The following CNTNAP5 variants were observed in gnomAD, a reference collection of about 807,000 sequenced individuals.
CNTNAP5 encodes contactin-associated protein-like 5.
A neutral mutation model predicts 150.2 loss-of-function variants in CNTNAP5; 72 were observed. The ratio of observed to expected loss-of-function variants is 0.48; its 90% CI spans 0.40 to 0.58. The LOEUF is 0.58. Among genes scored for constraint, CNTNAP5 ranks in the 20% least tolerant of loss-of-function variants. The pLI, the probability that CNTNAP5 is intolerant of heterozygous loss-of-function variation, is 0.00. For synonymous variants in CNTNAP5, 672 were observed against 619.8 expected (o/e 1.08, Z -1.25); for missense variants, 1,636 against 1,626.2 (o/e 1.01, Z -0.10).
intron 1 of CNTNAP5, among the ~76,000 whole-genome samples, chr2:124,159,581 A>T (rs890070543): frequency 2.0e-5 from 3 of 152,208 alleles, no homozygotes; most frequent in Non-Finnish European, 4.4e-5. Flanking sequence ...ATGTTAAGTT[A>T]TTTAACCTTA....
At chr2:124,069,315 G>A (rs776215832) in intron 1 of CNTNAP5, among the ~76,000 whole-genome samples, 8 of 152,152 alleles carry the variant, frequency 5.3e-5, no homozygotes, top group Non-Finnish European at 1.2e-4. Context: ...TGTCAGCTTA[G>A]CTGCAGTAGA....
At position 124,914,306 on chromosome 2, in the gene CNTNAP5, A is replaced by T; in HGVS notation, c.*18A>T. 6.3e-7 allele frequency: 1 copy of T among 1,575,618 alleles called. No homozygotes were observed. Among genetic ancestry groups the T allele is most frequent in the Non-Finnish European group, 8.7e-7 (1 of 1,149,032 alleles). ...TCATCTGAGAAACTGCAGGGTTCCT[A>T]CTACTCTTTTTTCTTGTTGTTCAAT... On this transcript the variant is annotated 3_prime_UTR_variant, in exon 24 of 24. Transcript: ENST00000682447.
chr2:124,451,238 CA>C (rs1692974429), intron 6 of CNTNAP5, among the ~76,000 whole-genome samples: 1 of 150,230 alleles, frequency 6.7e-6, no homozygotes, highest in Non-Finnish European at 1.5e-5. Flanking sequence ...AATTCTTAGT[CA>C]AAAAAACAAA....
chr2:124,444,526 C>T (rs891912423), intron 5 of CNTNAP5, among the ~76,000 whole-genome samples: 3 of 152,076 alleles, frequency 2.0e-5, no homozygotes, highest in Non-Finnish European at 4.4e-5. Flanking sequence ...ACCCAGGAGG[C>T]AGGGGTTGCA....
intron 19 of CNTNAP5, among the ~76,000 whole-genome samples, chr2:124,813,438 C>G (rs915775916): frequency 6.8e-6 from 1 of 147,162 alleles, no homozygotes; most frequent in East Asian, 2.0e-4. Flanking sequence ...TGAGCTAACT[C>G]ATCCATTCCC....
At chr2:124,339,411 T>C (rs1027251605) in intron 3 of CNTNAP5, among the ~76,000 whole-genome samples, 3 of 152,112 alleles carry the variant, frequency 2.0e-5, no homozygotes, top group African/African-American at 7.2e-5. Context: ...ACAAGTTTGT[T>C]GACTAGGCTG....
intron 13 of CNTNAP5, among the ~76,000 whole-genome samples, chr2:124,706,880 A>ACGAAGAGGAAGAGGAAGAAGGAGAAGG (rs1679666079): frequency 2.2e-5 from 1 of 46,040 alleles, no homozygotes. Context: ...GAAAGGGAAG[A>ACGAAGAGGAAGAGGAAGAAGGAGAAGG]AGAAGAGGAA....
intron 3 of CNTNAP5, among the ~76,000 whole-genome samples, chr2:124,358,327 C>T (rs1267021766): frequency 2.0e-5 from 3 of 152,128 alleles, no homozygotes; most frequent in Non-Finnish European, 4.4e-5. Flanking sequence ...CTGGCCAGAA[C>T]TTCCAACACT....
Position 124,709,216 on chromosome 2 carries a change from G to GGT in CNTNAP5, c.2078-37999_2078-37998dup, listed in dbSNP as rs372309041. Among the ~76,000 whole-genome samples the GGT allele has an allele frequency of 3.5e-4, 48 of 138,688 alleles. 1 individual carries two copies. The highest frequency in any genetic ancestry group is 1.7e-3 in the East Asian group (8 of 4,576). 91.0% of individuals were successfully genotyped at this position (138,688 alleles called of 152,430 possible). A position where few individuals can be genotyped will look rare whatever the true frequency, so the allele number is the denominator to read the frequency against. On this transcript the variant is annotated intron_variant, in intron 13 of 23. Transcript: ENST00000682447. The stretch of plus-strand genomic sequence containing the variant: ...ACTGCAAGCTTCCTGGGGGAGGGAG[G>GGT]GTGTGTGTGTGTGTGCGTGTGTGTG...
intron 3 of CNTNAP5, among the ~76,000 whole-genome samples, chr2:124,412,472 T>G (rs1691797186): frequency 6.6e-6 from 1 of 150,638 alleles, no homozygotes; most frequent in South Asian, 2.1e-4. Context: ...CTACCTGACT[T>G]CAAACTATAC....
At chr2:124,457,694 T>C (rs182795414) in intron 6 of CNTNAP5, among the ~76,000 whole-genome samples, 152 of 152,154 alleles carry the variant, frequency 1.0e-3, no homozygotes, top group African/African-American at 3.5e-3. Flanking sequence ...TCCTTTTATT[T>C]TTTAAATATA....
At chr2:124,440,622 T>A (rs965811649) in intron 5 of CNTNAP5, among the ~76,000 whole-genome samples, 4 of 152,156 alleles carry the variant, frequency 2.6e-5, no homozygotes, top group African/African-American at 9.7e-5. Context: ...AACTGGTAAA[T>A]TAAACACTTT....
At chr2:124,419,904 CTT>C (rs1328331217) in intron 4 of CNTNAP5, among the ~76,000 whole-genome samples, 2 of 102,926 alleles carry the variant, frequency 1.9e-5, no homozygotes, top group East Asian at 5.4e-4. Context: ...GGTTTTCTTT[CTT>C]TCTTTCTTTC....
intron 3 of CNTNAP5, among the ~76,000 whole-genome samples, chr2:124,387,163 A>G (rs780003): frequency 2.0e-5 from 3 of 152,074 alleles, no homozygotes; most frequent in African/African-American, 7.2e-5. Context: ...AGAGGTAAGA[A>G]CCCCTGCCTC....
At chr2:124,762,402 C>T (rs897723536) in intron 14 of CNTNAP5, among the ~76,000 whole-genome samples, 1 of 151,944 alleles carries the variant, frequency 6.6e-6, no homozygotes, top group Non-Finnish European at 1.5e-5. Context: ...GTAATATAAG[C>T]TCTCCAATAC....
chr2:124,333,585 G>A (rs1000697282), intron 3 of CNTNAP5, among the ~76,000 whole-genome samples: 3 of 152,162 alleles, frequency 2.0e-5, no homozygotes, highest in African/African-American at 7.2e-5. Flanking sequence ...ATACAAATGA[G>A]AGCCTATAAG....
At chr2:124,405,052 C>T (rs1399770853) in intron 3 of CNTNAP5, among the ~76,000 whole-genome samples, 3 of 151,478 alleles carry the variant, frequency 2.0e-5, no homozygotes, top group Non-Finnish European at 4.4e-5. Context: ...CGGGTGGGGG[C>T]GGCTGGGGAA....
intron 7 of CNTNAP5, among the ~76,000 whole-genome samples, chr2:124,478,397 G>T (rs1046029563): frequency 2.0e-5 from 3 of 152,080 alleles, no homozygotes; most frequent in South Asian, 2.1e-4. Context: ...TTGTTTTATT[G>T]TGCAGGTAGG....
intron 21 of CNTNAP5, among the ~76,000 whole-genome samples, chr2:124,881,554 T>C (rs1253073779): frequency 6.6e-6 from 1 of 152,112 alleles, no homozygotes; most frequent in African/African-American, 2.4e-5. Flanking sequence ...TCTCCAGTCC[T>C]GCTCAGCTGC....
Sources: gnomAD v4.1 joint callset for allele counts (sites outside exome capture counted in the v4.1 genomes callset) on GRCh38, gnomAD v4.1.1 for gene constraint, MANE v1.5 for transcripts, NCBI Gene and HGNC (gene_info 2026-07-23, HGNC 2026-07-21) for gene names.